Variants in DBX2 observed in about 807,000 individuals in gnomAD.
DBX2 encodes homeobox protein DBX2.
Under a neutral mutation model 17.7 loss-of-function variants are expected in DBX2, and 16 were observed. That is an observed-to-expected ratio of 0.90 (90% CI 0.61 to 1.37). The LOEUF is 1.37. Ranked by LOEUF, DBX2 falls within the 40% of genes most tolerant of loss-of-function variation. The pLI is 0.00. For missense variants in DBX2, 538 were observed against 433.8 expected, an observed-to-expected ratio of 1.24 and a Z score of -2.13; for synonymous variants, 255 against 183.8, an observed-to-expected ratio of 1.39 and a Z score of -3.13.
rs773452523 is a variant in DBX2 at position 45,050,574 on chromosome 12, C to T, written c.354G>A (p.Pro118=). The T allele has an allele frequency of 6.4e-7, 1 of 1,552,258 alleles. No individual in the cohort carries two copies. The highest frequency in any genetic ancestry group is 1.9e-5 in the Admixed American group (1 of 51,336). ...AGTCTCGGTCCCCCGGAGCCCGGCCCGGCAGCCTCGCACTGTCCGCAGAGG... is the reference window on the plus strand; with the variant it reads ...AGTCTCGGTCCCCCGGAGCCCGGCCTGGCAGCCTCGCACTGTCCGCAGAGG... ...LSPSADSARL[P]GRAPGDRDCT... The change falls in exon 1 of 4, where the codon CCG becomes CCA. Residue 118 remains proline, a synonymous_variant. Coordinates refer to ENST00000332700, the MANE Select transcript of DBX2 (RefSeq NM_001004329.3).
chr12:45,050,752 G>T lies in DBX2; in HGVS notation c.176C>A (p.Pro59His). Residue 59 changes from proline to histidine, a missense_variant, in exon 1 of 4, where the codon CCC becomes CAC. Pro to His is a moderately conservative substitution (Grantham distance 77). Transcript: ENST00000332700. Reference protein sequence around the residue: ...APTPRLQPPAPHDPATALATA... With the variant: ...APTPRLQPPAHHDPATALATA... ...GGCCAGGGCGGTCGCCGGGTCGTGG[G>T]GCGCGGGCGGCTGCAGCCTGGGCGT... 1.3e-6 allele frequency: 2 copies of T among 1,501,562 alleles called. No homozygotes were observed. Among genetic ancestry groups the T allele is most frequent in the Non-Finnish European group, 1.8e-6 (2 of 1,126,450 alleles). The allele number at this position is 1,501,562 out of a possible 1,614,324, so 93.0% of individuals were successfully genotyped here. A position where few individuals can be genotyped will look rare whatever the true frequency, so the allele number is the denominator to read the frequency against.
Position 45,050,475 on chromosome 12 carries a change from C to T in DBX2, c.403+50G>A, listed in dbSNP as rs760780617. 1.0e-5 allele frequency: 16 copies of T among 1,538,710 alleles called. No individual in the cohort carries two copies. In the South Asian group the frequency reaches 1.1e-4, roughly 10 times the overall value. The stretch of plus-strand genomic sequence containing the variant: ...GGCGCTCCCAGATCCCTGGACCACC[C>T]GGCCTGGGGGCGCGGGCGCGGCTGG... On this transcript the variant is annotated intron_variant, in intron 1 of 3. Transcript: ENST00000332700.
At position 45,021,813 on chromosome 12, in the gene DBX2, C is replaced by T. The variant is rs1021438390; in HGVS notation, c.687+1894G>A. Among the ~76,000 whole-genome samples, 7 of 136,882 alleles carry T rather than the reference C, an allele frequency of 5.1e-5. No individual in the cohort carries two copies. In the South Asian group the frequency reaches 1.0e-3, roughly 20 times the overall value. 89.8% of individuals were successfully genotyped at this position (136,882 alleles called of 152,430 possible). The stretch of plus-strand genomic sequence containing the variant: ...AAAGATAAGTAACTTTGAGAACTAC[C>T]GATCCCCTTATTGGGCAGTATATCT... On this transcript the variant is annotated intron_variant, in intron 3 of 3. Coordinates refer to ENST00000332700, the MANE Select transcript of DBX2 (RefSeq NM_001004329.3).
At chr12:45,025,986 T>C (rs1452956488) in intron 2 of DBX2, among the ~76,000 whole-genome samples, 1 of 151,860 alleles carries the variant, frequency 6.6e-6, no homozygotes, top group Non-Finnish European at 1.5e-5. Flanking sequence ...AGAGGCTGCA[T>C]GAGGGCAACC....
At chr12:45,046,991 A>G (rs1946504070) in intron 1 of DBX2, among the ~76,000 whole-genome samples, 1 of 152,206 alleles carries the variant, frequency 6.6e-6, no homozygotes, top group Non-Finnish European at 1.5e-5. Flanking sequence ...AGGAAATTAT[A>G]TTCAGGAAAT....
rs898128638 is a variant in DBX2, at chr12:45,021,510, G to A, written c.687+2197C>T. Among the ~76,000 whole-genome samples, 8 of 152,162 alleles carry A rather than the reference G, an allele frequency of 5.3e-5. No homozygotes were observed. In the East Asian group the frequency reaches 7.7e-4, roughly 15 times the overall value. ...GCACTGTCAGATGGAACTTAGCTACGTTCCACTGCTTTCCATCTTTTGACA... is the reference window on the plus strand; with the variant it reads ...GCACTGTCAGATGGAACTTAGCTACATTCCACTGCTTTCCATCTTTTGACA... On this transcript the variant is annotated intron_variant, in intron 3 of 3. Coordinates refer to ENST00000332700, the MANE Select transcript of DBX2 (RefSeq NM_001004329.3).
intron 2 of DBX2, among the ~76,000 whole-genome samples, chr12:45,026,499 A>C (rs1946382260): frequency 6.6e-6 from 1 of 152,232 alleles, no homozygotes; most frequent in Non-Finnish European, 1.5e-5. Flanking sequence ...AACTTTGTTC[A>C]AGGTCACAAA....
chr12:45,050,480 T>TGGGGGC (rs1946524583), intron 1 of DBX2, 45 bp downstream of exon 1: 5 of 1,541,124 alleles, frequency 3.2e-6, no homozygotes, highest in South Asian at 1.2e-5. Context: ...CCACCCGGCC[T>TGGGGGC]GGGGGCGCGG....
chr12:45,016,667 T>C (rs752319910), intron 3 of DBX2, 49 bp from the exon 4 acceptor site: 1 of 1,492,676 alleles, frequency 6.7e-7, no homozygotes, highest in South Asian at 1.4e-5. Context: ...CAGGTTATTT[T>C]ACTTCAGCAT....
intron 2 of DBX2, among the ~76,000 whole-genome samples, chr12:45,025,724 T>C (rs1029783492): frequency 1.5e-4 from 15 of 98,874 alleles, no homozygotes; most frequent in African/African-American, 4.7e-4. Context: ...AATTATTTAC[T>C]GAATAAACAA....
intron 3 of DBX2, among the ~76,000 whole-genome samples, chr12:45,022,302 T>TTTG (rs1555141273): frequency 1.9e-4 from 26 of 134,546 alleles, no homozygotes; most frequent in African/African-American, 7.0e-4. Flanking sequence ...ATAACTGTTT[T>TTTG]TTTTTTTTTT....
intron 1 of DBX2, among the ~76,000 whole-genome samples, chr12:45,039,277 G>GTATATATACA (rs1946457045): frequency 2.2e-5 from 2 of 90,300 alleles, no homozygotes; most frequent in East Asian, 2.9e-4. Flanking sequence ...TGCATTGAAG[G>GTATATATACA]TATATATATA....
At chr12:45,049,613 A>G (rs1946518094) in intron 1 of DBX2, among the ~76,000 whole-genome samples, 1 of 152,110 alleles carries the variant, frequency 6.6e-6, no homozygotes, top group Non-Finnish European at 1.5e-5. Flanking sequence ...CATTCTGGAC[A>G]AACCCATCGG....
chr12:45,023,699 A>G lies in DBX2; in HGVS notation c.687+8T>C. On this transcript the variant is annotated splice_region_variant and intron_variant, in intron 3 of 3. Coordinates refer to ENST00000332700, the MANE Select transcript of DBX2 (RefSeq NM_001004329.3). ...AGAGGCAGTAGACATCTTCCTGCTT[A>G]TTAGTACCTGTGATTCCTTTAGTCC... The G allele has an allele frequency of 6.2e-7, 1 of 1,614,064 alleles. No individual in the cohort carries two copies. Among genetic ancestry groups the G allele is most frequent in the Middle Eastern group, 1.7e-4 (1 of 6,060 alleles).
At chr12:45,031,392 G>A (rs577314725) in intron 2 of DBX2, among the ~76,000 whole-genome samples, 4 of 151,974 alleles carry the variant, frequency 2.6e-5, no homozygotes, top group Non-Finnish European at 5.9e-5. Context: ...AATACTTATC[G>A]AACAGCTTGA....
At position 45,050,802 on chromosome 12, in the gene DBX2, A is replaced by G. The variant is rs1226612848; in HGVS notation, c.126T>C (p.Asn42=). ...TTGGGGCGCCCCCGACCCGCAGCAAATTCTCGATCAGGAAACTCTTGCCCA... is the reference window on the plus strand; with the variant it reads ...TTGGGGCGCCCCCGACCCGCAGCAAGTTCTCGATCAGGAAACTCTTGCCCA... ...GNLGKSFLIE[N]LLRVGGAPTP... is the part of the protein sequence containing the mutation. Residue 42 remains asparagine (N), a synonymous_variant, in exon 1 of 4, where the codon AAT becomes AAC. Transcript: ENST00000332700. The G allele has an allele frequency of 6.5e-7, 1 of 1,534,944 alleles. No homozygotes were observed. The highest frequency in any genetic ancestry group is 8.7e-7 in the Non-Finnish European group (1 of 1,143,106).
At position 45,050,923 on chromosome 12, in the gene DBX2, A is replaced by T; in HGVS notation, c.5T>A (p.Leu2His). M[L>H]PSAVAAHAGA... Reference sequence around the variant, plus strand: ...GGCGTGGGCTGCGACCGCGCTGGGGAGCATAGTGCGGCGCCAACCGGTCTG... The same window carrying T: ...GGCGTGGGCTGCGACCGCGCTGGGGTGCATAGTGCGGCGCCAACCGGTCTG... Residue 2 changes from leucine (L) to histidine (H), a missense_variant, in exon 1 of 4, where the codon CTC (leucine) becomes CAC (histidine). Coordinates refer to ENST00000332700, the MANE Select transcript of DBX2 (RefSeq NM_001004329.3). 6.7e-7 allele frequency: 1 copy of T among 1,483,998 alleles called. No homozygotes were observed. The allele number at this position is 1,483,998 out of a possible 1,614,324, so 91.9% of individuals were successfully genotyped here.
chr12:45,033,878 G>A (rs1442561003), intron 2 of DBX2, among the ~76,000 whole-genome samples: 1 of 152,054 alleles, frequency 6.6e-6, no homozygotes, highest in African/African-American at 2.4e-5. Flanking sequence ...TAATTTACAA[G>A]AATTATGCAA....
rs530793809 is a variant in DBX2 at position 45,022,915 on chromosome 12, C to T, written c.687+792G>A. On this transcript the variant is annotated intron_variant, in intron 3 of 3. Coordinates refer to ENST00000332700, the MANE Select transcript of DBX2 (RefSeq NM_001004329.3). ...AGAGTTAAGCTGTCTAAGGTGGGAG[C>T]CTACCTCCAAAACCTCTTTACTACA... is the stretch of plus-strand genomic sequence containing the variant. 5.9e-5 allele frequency among the ~76,000 whole-genome samples: 9 copies of T among 152,224 alleles called. No homozygotes were observed. The South Asian group carries it at 1.7e-3, about 28-fold the overall frequency.
Sources: gnomAD v4.1 joint callset for allele counts (sites outside exome capture counted in the v4.1 genomes callset) on GRCh38, gnomAD v4.1.1 for gene constraint, MANE v1.5 for transcripts, NCBI Gene and HGNC (gene_info 2026-07-23, HGNC 2026-07-21) for gene names.